KDM7A: variants seen among roughly 807,000 people sequenced by gnomAD.
KDM7A encodes the protein lysine-specific demethylase 7A.
Under a neutral mutation model 114.8 loss-of-function variants are expected in KDM7A, and 28 were observed. The observed-to-expected ratio is 0.24, with a 90% CI of 0.18 to 0.33. The LOEUF is 0.33. KDM7A is among the 10% of genes least tolerant of loss of function. KDM7A has a pLI of 1.00. For synonymous variants in KDM7A, 423 were observed against 397.8 expected (o/e 1.06, Z -0.75); for missense variants, 942 against 1,142.5 (o/e 0.82, Z 2.53).
At chr7:140,147,956 T>C (rs1429372326) in intron 1 of KDM7A, among the ~76,000 whole-genome samples, 1 of 152,172 alleles carries the variant, frequency 6.6e-6, no homozygotes, top group Non-Finnish European at 1.5e-5. Context: ...AGCAGGACAA[T>C]GTATGTCAGT....
intron 9 of KDM7A, among the ~76,000 whole-genome samples, chr7:140,114,611 G>A (rs1449889713): frequency 5.9e-5 from 9 of 151,608 alleles, no homozygotes; most frequent in Admixed American, 1.3e-4. Context: ...AGTGAGGAGC[G>A]TCTCTGACTG....
chr7:140,112,566 G>A (rs963310627), intron 10 of KDM7A, among the ~76,000 whole-genome samples: 5 of 151,428 alleles, frequency 3.3e-5, no homozygotes, highest in East Asian at 3.9e-4. Flanking sequence ...AGCCGAGATC[G>A]CACCACTGCA....
intron 1 of KDM7A, among the ~76,000 whole-genome samples, chr7:140,155,596 C>T (rs1794449846): frequency 6.6e-6 from 1 of 152,148 alleles, no homozygotes. Flanking sequence ...TCTTGTTTTG[C>T]TCTAGTTAAG....
intron 11 of KDM7A, among the ~76,000 whole-genome samples, chr7:140,108,353 G>A (rs550101827): frequency 1.4e-4 from 21 of 152,242 alleles, no homozygotes; most frequent in Admixed American, 2.6e-4. Flanking sequence ...GAGGGGAAGA[G>A]GCACTCTGAT....
intron 11 of KDM7A, among the ~76,000 whole-genome samples, chr7:140,103,742 G>T (rs1252068632): frequency 6.6e-6 from 1 of 152,102 alleles, no homozygotes; most frequent in Admixed American, 6.5e-5. Context: ...CCAAGTCTTT[G>T]CTATTGTGAA....
chr7:140,138,356 C>A (rs1818902777), intron 2 of KDM7A, among the ~76,000 whole-genome samples: 1 of 151,964 alleles, frequency 6.6e-6, no homozygotes, highest in Non-Finnish European at 1.5e-5. Context: ...TTTTCTCTCA[C>A]ATTTGCACAA....
At chr7:140,162,198 A>G (rs1334796308) in intron 1 of KDM7A, among the ~76,000 whole-genome samples, 1 of 152,038 alleles carries the variant, frequency 6.6e-6, no homozygotes, top group Non-Finnish European at 1.5e-5. Context: ...CGCCGGGCAT[A>G]GTGGCACATG....
intron 6 of KDM7A, among the ~76,000 whole-genome samples, chr7:140,125,570 T>C (rs553039991): frequency 2.6e-5 from 4 of 152,306 alleles, no homozygotes; most frequent in East Asian, 1.9e-4. Flanking sequence ...AACTGGTCTT[T>C]TGTTTTGTTT....
Position 140,092,273 on chromosome 7 carries a change from T to C in KDM7A, c.2458-196A>G, listed in dbSNP as rs1216547040. Reference sequence around the variant, plus strand: ...CTCTGAAGGACTCGGGTCTTTAAGTTGCATCGTTAAGTTAAGAAGGCGAAA... The same window carrying C: ...CTCTGAAGGACTCGGGTCTTTAAGTCGCATCGTTAAGTTAAGAAGGCGAAA... On this transcript the variant is annotated intron_variant, in intron 18 of 19. Coordinates refer to ENST00000397560, the MANE Select transcript of KDM7A (RefSeq NM_030647.2). 1.0e-5 allele frequency: 6 copies of C among 584,378 alleles called. No individual in the cohort carries two copies. In the African/African-American group the frequency reaches 1.1e-4, roughly 11 times the overall value. 36.2% of individuals were successfully genotyped at this position (584,378 alleles called of 1,614,324 possible). A position where few individuals can be genotyped will look rare whatever the true frequency, so the allele number is the denominator to read the frequency against.
intron 16 of KDM7A, 44 bp from the exon 17 acceptor site, chr7:140,096,807 G>A: frequency 6.3e-7 from 1 of 1,593,488 alleles, no homozygotes; most frequent in African/African-American, 1.4e-5. Flanking sequence ...TATTTTTTCT[G>A]ATGACATTTT....
intron 1 of KDM7A, among the ~76,000 whole-genome samples, chr7:140,175,011 T>C (rs897998900): frequency 4.6e-5 from 7 of 152,274 alleles, no homozygotes; most frequent in African/African-American, 1.7e-4. Context: ...ATTCTGATTT[T>C]ATTCTATATA....
intron 1 of KDM7A, among the ~76,000 whole-genome samples, chr7:140,174,028 G>GT (rs777488351): frequency 1.3e-5 from 2 of 152,046 alleles, no homozygotes; most frequent in Non-Finnish European, 2.9e-5. Flanking sequence ...GCCAGGCGTG[G>GT]TGACGGGCAC....
Position 140,142,343 on chromosome 7 carries a change from G to C in KDM7A, c.195-3153C>G, listed in dbSNP as rs558579838. On this transcript the variant is annotated intron_variant, in intron 1 of 19. Transcript: ENST00000397560. ...CTATAAAGAGTGAAATGATAAGCCAGAGTAGCAGAAGACATTACAATACAG... is the reference window on the plus strand; with the variant it reads ...CTATAAAGAGTGAAATGATAAGCCACAGTAGCAGAAGACATTACAATACAG... Among the ~76,000 whole-genome samples the C allele has an allele frequency of 4.6e-5, 7 of 150,996 alleles. No homozygotes were observed. The East Asian group carries it at 1.2e-3, about 25-fold the overall frequency.
intron 5 of KDM7A, 136 bp from the exon 6 acceptor site, chr7:140,126,959 C>T (rs1818715262): frequency 1.5e-6 from 1 of 687,630 alleles, no homozygotes; most frequent in South Asian, 2.0e-5. Context: ...AAGTTTAAAA[C>T]ACATGTTTGT....
intron 9 of KDM7A, among the ~76,000 whole-genome samples, chr7:140,114,430 G>A (rs976229980): frequency 2.0e-5 from 3 of 152,030 alleles, no homozygotes; most frequent in Non-Finnish European, 4.4e-5. Flanking sequence ...TTGGCCTCCC[G>A]AGGTGCCGGG....
rs533243347 is a variant in KDM7A, at chr7:140,150,924, G to A, written c.195-11734C>T. ...GCTCAATGCAACCTCCGCCTCCCAGGTTCAAGCAATTCTCCTGCCTCAGCC... is the reference window on the plus strand; with the variant it reads ...GCTCAATGCAACCTCCGCCTCCCAGATTCAAGCAATTCTCCTGCCTCAGCC... On this transcript the variant is annotated intron_variant, in intron 1 of 19. Coordinates refer to ENST00000397560, the MANE Select transcript of KDM7A (RefSeq NM_030647.2). 1.9e-4 allele frequency among the ~76,000 whole-genome samples: 29 copies of A among 151,554 alleles called. No individual in the cohort carries two copies. The East Asian group carries it at 5.1e-3, about 26-fold the overall frequency.
chr7:140,111,089 T>G lies in KDM7A; in HGVS notation c.1428+6A>C, dbSNP rs375121845. The G allele has an allele frequency of 5.7e-5, 86 of 1,507,772 alleles. No individual in the cohort carries two copies. In the African/African-American group the frequency reaches 8.0e-4, roughly 14 times the overall value. 93.4% of individuals were successfully genotyped at this position (1,507,772 alleles called of 1,614,324 possible). Reference sequence around the variant, plus strand: ...CAAGCATTTACATGACAGTTTCCACTCTTACCTCTATTGCTCGAATTACTT... The same window carrying G: ...CAAGCATTTACATGACAGTTTCCACGCTTACCTCTATTGCTCGAATTACTT... On this transcript the variant is annotated splice_donor_region_variant and intron_variant, in intron 11 of 19. Transcript: ENST00000397560.
At chr7:140,134,670 G>A (rs961211742) in intron 2 of KDM7A, among the ~76,000 whole-genome samples, 1 of 151,956 alleles carries the variant, frequency 6.6e-6, no homozygotes, top group Non-Finnish European at 1.5e-5. Flanking sequence ...AATAAGATGG[G>A]TAGACAGCAG....
rs1817944583 is a variant in KDM7A at position 140,087,372 on chromosome 7, TCTTCCA to T, written c.*3716_*3721del. The stretch of plus-strand genomic sequence containing the variant: ...TCTTATCCATAAACAACTTCATTTT[TCTTCCA>T]CTTCAAGCACGAAATCTGATTTTAA... On this transcript the variant is annotated 3_prime_UTR_variant, in exon 20 of 20. Coordinates refer to ENST00000397560, the MANE Select transcript of KDM7A (RefSeq NM_030647.2). The T allele has an allele frequency of 2.0e-5, 3 of 152,232 alleles. No individual in the cohort carries two copies. The highest frequency in any genetic ancestry group is 7.2e-5 in the African/African-American group (3 of 41,450). The allele number at this position is 152,232 out of a possible 1,614,324, so 9.4% of individuals were successfully genotyped here. A position where few individuals can be genotyped will look rare whatever the true frequency, so the allele number is the denominator to read the frequency against.
Sources: gnomAD v4.1 joint callset for allele counts (sites outside exome capture counted in the v4.1 genomes callset) on GRCh38, gnomAD v4.1.1 for gene constraint, MANE v1.5 for transcripts, NCBI Gene and HGNC (gene_info 2026-07-23, HGNC 2026-07-21) for gene names.